The following TPRG1 variants were observed in gnomAD, a reference collection of about 807,000 sequenced individuals.
The protein encoded by TPRG1 is tumor protein p63 regulated 1.
A neutral mutation model predicts 29.3 loss-of-function variants in TPRG1; 29 were observed. The observed-to-expected ratio is 0.99, with a 90% CI of 0.74 to 1.35. The LOEUF (loss-of-function observed/expected upper bound fraction) is 1.35, where lower values mean the gene tolerates loss of function less well. Among genes scored for constraint, TPRG1 ranks in the 40% most tolerant of loss-of-function variants. The probability of loss-of-function intolerance (pLI) is 0.00; values close to 1 mark genes in which losing one functional copy is unlikely to be tolerated. For missense variants in TPRG1, 327 were observed against 335.0 expected, an observed-to-expected ratio of 0.98 and a Z score of 0.19; for synonymous variants, 130 against 116.8, an observed-to-expected ratio of 1.11 and a Z score of -0.73.
chr3:189,308,679 G>T (rs924610177), intron 4 of TPRG1, among the ~76,000 whole-genome samples: 4 of 152,144 alleles, frequency 2.6e-5, no homozygotes, highest in Non-Finnish European at 5.9e-5. Flanking sequence ...TTCATTTGAG[G>T]TTTCCCTAAG....
chr3:189,088,494 T>C (rs2152177143), intron 4 of TPRG1, among the ~76,000 whole-genome samples: 1 of 152,338 alleles, frequency 6.6e-6, no homozygotes, highest in Admixed American at 6.5e-5. Context: ...ACCCTTTATT[T>C]CTTTCTCCTA....
intron 3 of TPRG1, among the ~76,000 whole-genome samples, chr3:189,022,046 C>A (rs1160313995): frequency 1.3e-5 from 2 of 152,010 alleles, no homozygotes; most frequent in Admixed American, 1.3e-4. Flanking sequence ...CTTCTGCATT[C>A]TTCACGTAGT....
chr3:189,182,654 T>A (rs9860225), intron 1 of TPRG1, among the ~76,000 whole-genome samples: 72,173 of 151,906 alleles, frequency 0.48, 17,239 homozygotes, highest in South Asian at 0.55. Context: ...TAAAAAGTTT[T>A]ACCTACAAGA....
intron 4 of TPRG1, among the ~76,000 whole-genome samples, chr3:189,243,636 C>T (rs1041141178): frequency 7.9e-5 from 12 of 152,098 alleles, no homozygotes; most frequent in African/African-American, 2.9e-4. Flanking sequence ...TAAGTCATTT[C>T]TTTGCTCATA....
intron 4 of TPRG1, among the ~76,000 whole-genome samples, chr3:189,150,398 G>A (rs1725786628): frequency 6.6e-6 from 1 of 152,126 alleles, no homozygotes; most frequent in African/African-American, 2.4e-5. Flanking sequence ...GGTCAGCCTG[G>A]TCTTGAACTC....
intron 4 of TPRG1, among the ~76,000 whole-genome samples, chr3:189,293,344 G>C (rs1260468461): frequency 6.6e-6 from 1 of 152,044 alleles, no homozygotes; most frequent in African/African-American, 2.4e-5. Flanking sequence ...GTGCCTGCAG[G>C]GCTAGCCACT....
intron 5 of TPRG1, among the ~76,000 whole-genome samples, chr3:189,165,316 A>C (rs566434957): frequency 1.1e-4 from 16 of 151,964 alleles, no homozygotes; most frequent in African/African-American, 3.4e-4. Flanking sequence ...CCTTACAGCA[A>C]GACTGATTCA....
At chr3:189,240,658 C>A (rs370016515) in intron 4 of TPRG1, 1 of 152,170 alleles carries the variant, frequency 6.6e-6, no homozygotes, top group East Asian at 1.9e-4. Context: ...GCAGGAAAAA[C>A]TTGCTCCCAT....
At chr3:189,156,323 C>T (rs1485544171) in intron 5 of TPRG1, among the ~76,000 whole-genome samples, 1 of 151,642 alleles carries the variant, frequency 6.6e-6, no homozygotes, top group Admixed American at 6.6e-5. Context: ...AGGAACACAG[C>T]CCTACAGATG....
intron 4 of TPRG1, among the ~76,000 whole-genome samples, chr3:189,083,045 C>T (rs551128502): frequency 6.6e-6 from 1 of 152,154 alleles, no homozygotes; most frequent in African/African-American, 2.4e-5. Flanking sequence ...CATATTTTTC[C>T]ATTGACTGGG....
chr3:189,116,785 A>T (rs1049755309), intron 1 of TPRG1, among the ~76,000 whole-genome samples: 1 of 152,148 alleles, frequency 6.6e-6, no homozygotes, highest in Non-Finnish European at 1.5e-5. Flanking sequence ...GCCTCAGGAA[A>T]GGGATGAATG....
At chr3:189,297,857 A>ATGGGGCTGGT (rs1720211223) in intron 4 of TPRG1, among the ~76,000 whole-genome samples, 1 of 152,102 alleles carries the variant, frequency 6.6e-6, no homozygotes. Flanking sequence ...ACTTGGGAAC[A>ATGGGGCTGGT]TGGGGCTGGT....
intron 4 of TPRG1, among the ~76,000 whole-genome samples, chr3:189,252,332 C>T (rs1327216862): frequency 6.6e-6 from 1 of 152,098 alleles, no homozygotes; most frequent in African/African-American, 2.4e-5. Context: ...TCTTTCTTTT[C>T]CCCACACTCT....
chr3:189,109,547 A>T (rs546437685), intron 1 of TPRG1, among the ~76,000 whole-genome samples: 1 of 152,330 alleles, frequency 6.6e-6, no homozygotes, highest in African/African-American at 2.4e-5. Flanking sequence ...AGATAAGTTC[A>T]TCCACCAGTC....
intron 3 of TPRG1, among the ~76,000 whole-genome samples, chr3:189,145,599 T>A (rs776106127): frequency 3.9e-5 from 6 of 152,130 alleles, no homozygotes; most frequent in Non-Finnish European, 8.8e-5. Flanking sequence ...TCAGATCAGA[T>A]GAGAATTGAA....
At chr3:189,288,663 AC>A (rs1370626703) in intron 4 of TPRG1, among the ~76,000 whole-genome samples, 26 of 152,294 alleles carry the variant, frequency 1.7e-4, no homozygotes, top group Non-Finnish European at 3.7e-4. Flanking sequence ...AAGGCTTCTC[AC>A]CTCTAAGCCT....
intron 4 of TPRG1, among the ~76,000 whole-genome samples, chr3:189,289,149 C>A (rs1718570640): frequency 6.6e-6 from 1 of 152,212 alleles, no homozygotes; most frequent in Non-Finnish European, 1.5e-5. Flanking sequence ...GTATACCCCA[C>A]AGGCATCTCA....
At chr3:189,134,403 CTTTTTTT>C in intron 3 of TPRG1, among the ~76,000 whole-genome samples, 1 of 121,190 alleles carries the variant, frequency 8.3e-6, no homozygotes, top group South Asian at 2.5e-4. Context: ...TGGGGGTATC[CTTTTTTT>C]TTTTTTTTTT....
chr3:189,302,530 A>G (rs1385566742), intron 4 of TPRG1, among the ~76,000 whole-genome samples: 2 of 152,176 alleles, frequency 1.3e-5, no homozygotes, highest in Non-Finnish European at 2.9e-5. Flanking sequence ...CCGAAGTATG[A>G]CTCTAGCAAT....
Sources: gnomAD v4.1 joint callset for allele counts (sites outside exome capture counted in the v4.1 genomes callset) on GRCh38, gnomAD v4.1.1 for gene constraint, MANE v1.5 for transcripts, NCBI Gene and HGNC (gene_info 2026-07-23, HGNC 2026-07-21) for gene names.